SEMA6A: variants seen among roughly 807,000 people sequenced by gnomAD.
The protein encoded by SEMA6A is semaphorin 6A.
A neutral mutation model predicts 96.8 loss-of-function variants in SEMA6A; 25 were observed. That is an observed-to-expected ratio of 0.26 (90% CI 0.19 to 0.36). SEMA6A has a LOEUF of 0.36. Ranked by LOEUF, SEMA6A falls within the 10% of genes least tolerant of loss-of-function variation. The pLI is 1.00. For missense variants in SEMA6A, 1,363 were observed against 1,323.1 expected, an observed-to-expected ratio of 1.03 and a Z score of -0.47; for synonymous variants, 612 against 518.0, an observed-to-expected ratio of 1.18 and a Z score of -2.46.
At chr5:116,573,514 C>G (rs1477048682) in intron 1 of SEMA6A, among the ~76,000 whole-genome samples, 1 of 152,126 alleles carries the variant, frequency 6.6e-6, no homozygotes. Flanking sequence ...CTTATTCGAG[C>G]AAACAAAGCC....
At chr5:116,467,796 C>T in intron 17 of SEMA6A, 49 bp from the exon 18 acceptor site, 1 of 1,599,868 alleles carries the variant, frequency 6.3e-7, no homozygotes, top group Non-Finnish European at 8.5e-7. Flanking sequence ...GAGAGACCCA[C>T]ATTCCCTTTG....
At chr5:116,494,014 C>T (rs114780000) in intron 6 of SEMA6A, among the ~76,000 whole-genome samples, 160 of 152,304 alleles carry the variant, frequency 1.1e-3, no homozygotes, top group African/African-American at 3.8e-3. Context: ...GTGGCAGCCC[C>T]ATCCATCTAC....
rs1754498846 is a variant in SEMA6A, at chr5:116,449,631, C to CCT, written c.1895-1822_1895-1821dup. 1.1e-5 allele frequency: 4 copies of CCT among 354,948 alleles called. No homozygotes were observed. In the South Asian group the frequency reaches 1.4e-4, roughly 12 times the overall value. The allele number at this position is 354,948 out of a possible 1,614,324, so 22.0% of individuals were successfully genotyped here. On this transcript the variant is annotated intron_variant, in intron 18 of 18. Transcript: ENST00000343348. ...CTCTTTTTCTTTCCTTCCTAAGGGT[C>CCT]CTCCTCCCTTCAATTGTGACATCAC...
rs1013425160 is a variant in SEMA6A, at chr5:116,446,558, G to C, written c.*55C>G. The stretch of plus-strand genomic sequence containing the variant: ...AGGCAGTTGAGAACCTTGCTGAGCT[G>C]AGCGGGCACCTCGCCTTGCCTGCTG... On this transcript the variant is annotated 3_prime_UTR_variant, in exon 19 of 19. Coordinates refer to ENST00000343348, the MANE Select transcript of SEMA6A (RefSeq NM_020796.5). The C allele has an allele frequency of 3.1e-5, 44 of 1,402,982 alleles. No homozygotes were observed. Among genetic ancestry groups the C allele is most frequent in the Non-Finnish European group, 4.0e-5 (42 of 1,054,736 alleles). The allele number at this position is 1,402,982 out of a possible 1,614,324, so 86.9% of individuals were successfully genotyped here. A position where few individuals can be genotyped will look rare whatever the true frequency, so the allele number is the denominator to read the frequency against.
At chr5:116,488,085 C>CT (rs766396745) in intron 9 of SEMA6A, 23 bp downstream of exon 9, 1 of 1,480,898 alleles carries the variant, frequency 6.8e-7, no homozygotes, top group South Asian at 1.2e-5. Flanking sequence ...ACAAACTGAG[C>CT]CAAGGACAGC....
chr5:116,508,842 T>C (rs958630201), intron 1 of SEMA6A, among the ~76,000 whole-genome samples: 2 of 152,182 alleles, frequency 1.3e-5, no homozygotes, highest in Non-Finnish European at 2.9e-5. Flanking sequence ...TAACCTCACC[T>C]GCCTGCCCTT....
In SEMA6A at chr5:116,447,803, G is replaced by A. The variant is rs1291586760; in HGVS notation, c.1903C>T (p.Arg635Trp). 9 of 1,595,110 alleles carry A rather than the reference G, an allele frequency of 5.6e-6. No individual in the cohort carries two copies. The East Asian group carries it at 6.7e-5, about 12-fold the overall frequency. ...HNHQDKKGVI[R>W]ESYLKGHDQL... ...TCGTGGCCTTTGAGGTAACTTTCCC[G>A]AATCACTCCTGCAATAGACATCGCA... Residue 635 changes from arginine (R) to tryptophan (W), a missense_variant, in exon 19 of 19, where the codon CGG becomes TGG. Coordinates refer to ENST00000343348, the MANE Select transcript of SEMA6A (RefSeq NM_020796.5).
intron 1 of SEMA6A, among the ~76,000 whole-genome samples, chr5:116,532,050 C>G (rs1173107031): frequency 6.6e-6 from 1 of 152,154 alleles, no homozygotes; most frequent in Non-Finnish European, 1.5e-5. Flanking sequence ...CAAGTGTGCT[C>G]TCACCATTAC....
Position 116,568,733 on chromosome 5 carries a change from C to T in SEMA6A, c.-39+5452G>A, listed in dbSNP as rs13355323. ...GTGAGAATGTGGGAATGAACAGGCT[C>T]CAATCCATCACTACCACTGGAAAAA... On this transcript the variant is annotated intron_variant, in intron 1 of 18. Coordinates refer to ENST00000343348, the MANE Select transcript of SEMA6A (RefSeq NM_020796.5). 5.9e-5 allele frequency among the ~76,000 whole-genome samples: 9 copies of T among 152,170 alleles called. No individual in the cohort carries two copies. In the East Asian group the frequency reaches 1.7e-3, roughly 29 times the overall value.
intron 6 of SEMA6A, 115 bp from the exon 7 acceptor site, chr5:116,491,945 T>A: frequency 2.5e-6 from 2 of 790,958 alleles, no homozygotes; most frequent in Non-Finnish European, 4.3e-6. Flanking sequence ...CACTTTGAGA[T>A]GGACCCTGTT....
In SEMA6A at chr5:116,541,832, CAAAA is replaced by C. The variant is rs1759978014; in HGVS notation, c.-39+32349_-39+32352del. Among the ~76,000 whole-genome samples the C allele has an allele frequency of 2.0e-5, 3 of 151,338 alleles. No individual in the cohort carries two copies. The South Asian group carries it at 6.3e-4, about 32-fold the overall frequency. On this transcript the variant is annotated intron_variant, in intron 1 of 18. Coordinates refer to ENST00000343348, the MANE Select transcript of SEMA6A (RefSeq NM_020796.5). ...TGGGCGACAGAATGGGACTCCATCT[CAAAA>C]CAAACAAACAAACAAACAAACAAAA... is the stretch of plus-strand genomic sequence containing the variant.
In SEMA6A at chr5:116,447,708, CGAG is replaced by C; in HGVS notation, c.1995_1997del (p.Phe665_Ser666delinsLeu). On this transcript the variant is annotated inframe_deletion, in exon 19 of 19. Coordinates refer to ENST00000343348, the MANE Select transcript of SEMA6A (RefSeq NM_020796.5). ...CACAGACGCAGTAGACGGTGATGCC[CGAG>C]AAGACGGCCCCCATGACGAAAGCCA... is the stretch of plus-strand genomic sequence containing the variant. The C allele has an allele frequency of 6.2e-7, 1 of 1,613,838 alleles. No individual in the cohort carries two copies. Among genetic ancestry groups the C allele is most frequent in the Non-Finnish European group, 8.5e-7 (1 of 1,179,832 alleles).
At chr5:116,522,548 C>T (rs1359812262) in intron 1 of SEMA6A, among the ~76,000 whole-genome samples, 2 of 152,048 alleles carry the variant, frequency 1.3e-5, no homozygotes, top group African/African-American at 4.8e-5. Flanking sequence ...ACTATAAACC[C>T]GCCTGCGTGC....
chr5:116,560,744 T>C (rs1215982175), intron 1 of SEMA6A, among the ~76,000 whole-genome samples: 1 of 152,066 alleles, frequency 6.6e-6, no homozygotes. Context: ...TAAAATCACC[T>C]ACCATTTGCC....
intron 10 of SEMA6A, among the ~76,000 whole-genome samples, chr5:116,486,292 TA>T (rs1272892330): frequency 6.6e-6 from 1 of 152,216 alleles, no homozygotes; most frequent in African/African-American, 2.4e-5. Flanking sequence ...ATGAGAATAT[TA>T]AAAGTCAAAT....
intron 1 of SEMA6A, chr5:116,562,618 G>A (rs975293836): frequency 7.2e-6 from 5 of 692,488 alleles, no homozygotes; most frequent in Admixed American, 3.6e-5. Flanking sequence ...TCTGACCTCA[G>A]GTGGCTGACG....
chr5:116,519,344 T>A (rs758374813), intron 1 of SEMA6A, among the ~76,000 whole-genome samples: 2 of 152,206 alleles, frequency 1.3e-5, no homozygotes, highest in Non-Finnish European at 2.9e-5. Context: ...CACAGGGTAC[T>A]TTTTTAGTGT....
At chr5:116,548,124 G>A in intron 1 of SEMA6A, among the ~76,000 whole-genome samples, 1 of 152,154 alleles carries the variant, frequency 6.6e-6, no homozygotes, top group East Asian at 1.9e-4. Context: ...AAAGCTCTGT[G>A]GTATCAATAC....
intron 7 of SEMA6A, among the ~76,000 whole-genome samples, chr5:116,490,599 T>C (rs1757284143): frequency 2.0e-5 from 3 of 152,180 alleles, no homozygotes; most frequent in Non-Finnish European, 4.4e-5. Flanking sequence ...TGCTTCTCAG[T>C]AATCCTGTGC....
Sources: gnomAD v4.1 joint callset for allele counts (sites outside exome capture counted in the v4.1 genomes callset) on GRCh38, gnomAD v4.1.1 for gene constraint, MANE v1.5 for transcripts, NCBI Gene and HGNC (gene_info 2026-07-23, HGNC 2026-07-21) for gene names.